The following RCAN2 variants were observed in gnomAD, a reference collection of about 807,000 sequenced individuals.
The protein encoded by RCAN2 is calcipressin-2.
Under a neutral mutation model 23.6 loss-of-function variants are expected in RCAN2, and 9 were observed. The ratio of observed to expected loss-of-function variants is 0.38; its 90% CI spans 0.23 to 0.67. The LOEUF is 0.67. Among genes scored for constraint, RCAN2 ranks in the 30% least tolerant of loss-of-function variants. The probability of loss-of-function intolerance (pLI) is 0.51; values close to 1 mark genes in which losing one functional copy is unlikely to be tolerated. For missense variants in RCAN2, 273 were observed against 302.3 expected (o/e 0.90, Z 0.72); for synonymous variants, 109 against 115.7 (o/e 0.94, Z 0.37).
Position 46,358,850 on chromosome 6 carries a change from G to A in RCAN2, c.225+97902C>T, listed in dbSNP as rs1379262912. Among the ~76,000 whole-genome samples, 3 of 152,320 alleles carry A rather than the reference G, an allele frequency of 2.0e-5. No individual in the cohort carries two copies. In the East Asian group the frequency reaches 5.8e-4, roughly 29 times the overall value. ...TGGGCCAATTAAATTCTAACATCCA[G>A]GGTTGGGACCTAAGCATTGGTGTCG... On this transcript the variant is annotated intron_variant, in intron 2 of 4. Transcript: ENST00000371374.
intron 2 of RCAN2, among the ~76,000 whole-genome samples, chr6:46,331,972 T>G (rs1763987931): frequency 6.6e-6 from 1 of 152,232 alleles, no homozygotes; most frequent in Non-Finnish European, 1.5e-5. Flanking sequence ...ACAATATTAA[T>G]GCAACCAGAA....
intron 1 of RCAN2, among the ~76,000 whole-genome samples, chr6:46,483,101 G>A (rs1768908594): frequency 6.6e-6 from 1 of 152,150 alleles, no homozygotes; most frequent in Non-Finnish European, 1.5e-5. Flanking sequence ...ACTGTGGACT[G>A]CCCCATGTCC....
chr6:46,271,960 T>A (rs1489716298), intron 2 of RCAN2, among the ~76,000 whole-genome samples: 2 of 152,186 alleles, frequency 1.3e-5, no homozygotes, highest in African/African-American at 4.8e-5. Flanking sequence ...CTGTAGTAAT[T>A]GGGCCAAGGT....
intron 2 of RCAN2, among the ~76,000 whole-genome samples, chr6:46,301,588 C>T (rs534691188): frequency 1.3e-5 from 2 of 152,218 alleles, no homozygotes; most frequent in Admixed American, 6.5e-5. Flanking sequence ...TGTAGGCTTA[C>T]ACTCTACTGG....
At chr6:46,398,927 CAT>C (rs950853777) in intron 2 of RCAN2, among the ~76,000 whole-genome samples, 1 of 148,524 alleles carries the variant, frequency 6.7e-6, no homozygotes, top group Non-Finnish European at 1.5e-5. Flanking sequence ...TATATATATA[CAT>C]ATATATACAT....
rs1399871463 is a variant in RCAN2 at position 46,246,767 on chromosome 6, A to T, written c.552T>A (p.Ala184=). 8.1e-6 allele frequency: 13 copies of T among 1,612,966 alleles called. No homozygotes were observed. The highest frequency in any genetic ancestry group is 1.0e-5 in the Non-Finnish European group (12 of 1,179,510). ...TPVLNYDLLY[A]VAKLGPGEKY... is the part of the protein sequence containing the mutation. The stretch of plus-strand genomic sequence containing the variant: ...GCTTACCTGGTCCTAGTTTGGCCAC[A>T]GCATAGAGGAGGTCATAGTTGAGGA... The change falls in exon 4 of 5, where the codon GCT becomes GCA. Residue 184 remains alanine (A), a synonymous_variant. Coordinates refer to ENST00000371374, the MANE Select transcript of RCAN2 (RefSeq NM_001251974.2).
chr6:46,263,696 AG>A lies in RCAN2; in HGVS notation c.226-14801del, dbSNP rs528823502. Among the ~76,000 whole-genome samples, 142 of 150,264 alleles carry A rather than the reference AG, an allele frequency of 9.5e-4. 1 individual carries two copies. Among genetic ancestry groups the A allele is most frequent in the Non-Finnish European group, 1.7e-3 (115 of 67,776 alleles). ...CCAGGCAGGAGAGCAGCATTATCAA[AG>A]GATTTAAATATTTACATTAATATGA... On this transcript the variant is annotated intron_variant, in intron 2 of 4. Transcript: ENST00000371374.
chr6:46,296,340 G>C (rs1302809758), intron 2 of RCAN2, among the ~76,000 whole-genome samples: 1 of 151,906 alleles, frequency 6.6e-6, no homozygotes, highest in Admixed American at 6.6e-5. Flanking sequence ...CTTCACCAAT[G>C]CAATGTCCTT....
intron 2 of RCAN2, among the ~76,000 whole-genome samples, chr6:46,329,027 C>A (rs1763880493): frequency 6.6e-6 from 1 of 151,850 alleles, no homozygotes; most frequent in African/African-American, 2.4e-5. Context: ...ATTATTCTCC[C>A]ACTTCATCTC....
At chr6:46,452,294 G>T (rs1161109117) in intron 2 of RCAN2, among the ~76,000 whole-genome samples, 1 of 152,062 alleles carries the variant, frequency 6.6e-6, no homozygotes, top group African/African-American at 2.4e-5. Flanking sequence ...TAGGGATAAT[G>T]ATACTTACAC....
intron 2 of RCAN2, among the ~76,000 whole-genome samples, chr6:46,447,279 G>T (rs1017705004): frequency 6.6e-6 from 1 of 151,898 alleles, no homozygotes; most frequent in Non-Finnish European, 1.5e-5. Flanking sequence ...GATAATAACG[G>T]TTGTAAATAT....
intron 2 of RCAN2, among the ~76,000 whole-genome samples, chr6:46,411,816 T>C (rs1196754661): frequency 6.6e-6 from 1 of 152,090 alleles, no homozygotes; most frequent in Non-Finnish European, 1.5e-5. Flanking sequence ...CAAAAAAAAT[T>C]ATGTGCAGAA....
chr6:46,376,721 A>AC (rs1360149450), intron 2 of RCAN2, among the ~76,000 whole-genome samples: 14 of 151,842 alleles, frequency 9.2e-5, no homozygotes, highest in Admixed American at 2.6e-4. Context: ...CAAACAAAAA[A>AC]AAAAAACACG....
intron 2 of RCAN2, among the ~76,000 whole-genome samples, chr6:46,262,509 A>C (rs548877685): frequency 9.8e-4 from 149 of 152,160 alleles, no homozygotes; most frequent in African/African-American, 3.4e-3. Flanking sequence ...TAATCCTAGC[A>C]CTTTGGGAGG....
chr6:46,359,847 A>T (rs1444127605), intron 2 of RCAN2, among the ~76,000 whole-genome samples: 1 of 152,226 alleles, frequency 6.6e-6, no homozygotes, highest in African/African-American at 2.4e-5. Context: ...AAGTCACAAT[A>T]TACAGATGCT....
chr6:46,278,641 G>A (rs1021745993), intron 2 of RCAN2, among the ~76,000 whole-genome samples: 7 of 152,154 alleles, frequency 4.6e-5, no homozygotes, highest in African/African-American at 1.4e-4. Context: ...CACACATAAT[G>A]TATTGAACAA....
chr6:46,461,775 G>A (rs1381028320), intron 1 of RCAN2, among the ~76,000 whole-genome samples: 8 of 151,988 alleles, frequency 5.3e-5, no homozygotes, highest in African/African-American at 7.2e-5. Flanking sequence ...TAGTAGAGAC[G>A]GAGTTTTTCC....
At chr6:46,468,687 T>G (rs1041498129) in intron 1 of RCAN2, 2 of 391,526 alleles carry the variant, frequency 5.1e-6, no homozygotes, top group African/African-American at 4.4e-5. Flanking sequence ...GCTCCTGATA[T>G]GCTGTGCTGA....
At chr6:46,455,590 C>A (rs1359422372) in intron 2 of RCAN2, among the ~76,000 whole-genome samples, 1 of 151,798 alleles carries the variant, frequency 6.6e-6, no homozygotes, top group African/African-American at 2.4e-5. Flanking sequence ...GGCGCAGTGG[C>A]TCACACCTGT....
Sources: allele counts gnomAD v4.1 joint callset (sites outside exome capture counted in the v4.1 genomes callset), GRCh38; gene constraint gnomAD v4.1.1; transcripts MANE v1.5; gene names NCBI Gene and HGNC (gene_info 2026-07-23, HGNC 2026-07-21).